The following CDHR3 variants were observed in gnomAD, a reference collection of about 807,000 sequenced individuals.
CDHR3 encodes the protein cadherin related family member 3, also known as cadherin-related family member 3.
In CDHR3, 79 loss-of-function variants were observed where a neutral mutation model predicts 86.6. The ratio of observed to expected loss-of-function variants is 0.91; its 90% confidence interval spans 0.76 to 1.10. The LOEUF (loss-of-function observed/expected upper bound fraction) is 1.10, where lower values mean the gene tolerates loss of function less well. Ranked by LOEUF, CDHR3 falls within the 50% of genes least tolerant of loss-of-function variation. CDHR3 has a pLI of 0.00. For synonymous variants in CDHR3, 421 were observed against 402.4 expected, an observed-to-expected ratio of 1.05 and a Z score of -0.55; for missense variants, 1,081 against 1,077.6, an observed-to-expected ratio of 1.00 and a Z score of -0.04.
At chr7:105,965,390 C>T (rs1399289488) in intron 1 of CDHR3, among the ~76,000 whole-genome samples, 1 of 152,192 alleles carries the variant, frequency 6.6e-6, no homozygotes, top group Non-Finnish European at 1.5e-5. Context: ...AGGAGAATCG[C>T]TTGAACCCAG....
chr7:105,996,077 G>A lies in CDHR3; in HGVS notation c.609-173G>A, dbSNP rs1000404972. Among the ~76,000 whole-genome samples, 7 of 152,088 alleles carry A rather than the reference G, an allele frequency of 4.6e-5. No individual in the cohort carries two copies. The East Asian group carries it at 1.3e-3, about 29-fold the overall frequency. ...AGAAGCAGCCAGCGGGTTTGGAGAC[G>A]GGGGGAGAAAGGTCACCCTGCAGGC... On this transcript the variant is annotated intron_variant, in intron 5 of 18. Transcript: ENST00000317716.
At chr7:105,984,412 T>A in intron 4 of CDHR3, 123 bp downstream of exon 4, 4 of 585,648 alleles carry the variant, frequency 6.8e-6, no homozygotes, top group Non-Finnish European at 1.2e-5. Flanking sequence ...TGCGTCCACT[T>A]CCAAACACAG....
At position 106,030,428 on chromosome 7, in the gene CDHR3, G is replaced by A. The variant is rs1380858335; in HGVS notation, c.2305-364G>A. Among the ~76,000 whole-genome samples, 2 of 152,214 alleles carry A rather than the reference G, an allele frequency of 1.3e-5. No individual in the cohort carries two copies. Among genetic ancestry groups the A allele is most frequent in the African/African-American group, 4.8e-5 (2 of 41,434 alleles). The stretch of plus-strand genomic sequence containing the variant: ...ACACAACGTAGGTCTTAGCCATGCT[G>A]TGTGGCATTTCCACTCTTCCTTCTA... On this transcript the variant is annotated intron_variant, in intron 17 of 18. Transcript: ENST00000317716. This position sits in a 1 kb window ranked among gnomAD's most constrained non-coding sequence, Gnocchi z 4.8.
At position 106,024,451 on chromosome 7, in the gene CDHR3, T is replaced by A; in HGVS notation, c.2147T>A (p.Ile716Asn). 1 of 1,614,038 alleles carries A rather than the reference T, an allele frequency of 6.2e-7. No individual in the cohort carries two copies. Among genetic ancestry groups the A allele is most frequent in the Non-Finnish European group, 8.5e-7 (1 of 1,179,902 alleles). ...TCTGCATGGTACGTGCCGTTTGTCA[T>A]CACTTTGGGCTCCATATTGCTTCTG... ...SPSAWYVPFVITLGSILLLGL... is the reference protein window; with the variant it reads ...SPSAWYVPFVNTLGSILLLGL... The change falls in exon 15 of 19, where the codon ATC becomes AAC. Residue 716 changes from isoleucine (I) to asparagine (N), a missense_variant. Coordinates refer to ENST00000317716, the MANE Select transcript of CDHR3 (RefSeq NM_152750.5).
At chr7:106,028,703 G>T (rs1837758713) in intron 17 of CDHR3, 121 bp downstream of exon 17, 3 of 1,042,924 alleles carry the variant, frequency 2.9e-6, no homozygotes, top group Non-Finnish European at 4.3e-6. Context: ...AGGTGCTTGT[G>T]TTTGGCTACT....
At position 106,020,355 on chromosome 7, in the gene CDHR3, A is replaced by G. The variant is rs994582734; in HGVS notation, c.1654-18A>G. The G allele has an allele frequency of 6.3e-7, 1 of 1,580,640 alleles. No homozygotes were observed. On this transcript the variant is annotated intron_variant, in intron 12 of 18. Coordinates refer to ENST00000317716, the MANE Select transcript of CDHR3 (RefSeq NM_152750.5). Reference sequence around the variant, plus strand: ...TGAGTTTTAGCTATTGAGAATGACCACCTTCTTGCTACTCTAGGTTACTGT... The same window carrying G: ...TGAGTTTTAGCTATTGAGAATGACCGCCTTCTTGCTACTCTAGGTTACTGT...
chr7:105,975,493 C>G lies in CDHR3; in HGVS notation c.249+447C>G, dbSNP rs149030139. Among the ~76,000 whole-genome samples the G allele has an allele frequency of 2.0e-4, 30 of 152,310 alleles. No individual in the cohort carries two copies. In the East Asian group the frequency reaches 3.9e-3, roughly 20 times the overall value. On this transcript the variant is annotated intron_variant, in intron 2 of 18. Transcript: ENST00000317716. The stretch of plus-strand genomic sequence containing the variant: ...AGAGGAGACTTATTTAATTAAAAAG[C>G]CATACACCCTTTAACAAAAATATAA...
Position 106,013,035 on chromosome 7 carries a change from A to G in CDHR3, c.1224+4A>G. On this transcript the variant is annotated splice_donor_region_variant and intron_variant, in intron 9 of 18. Coordinates refer to ENST00000317716, the MANE Select transcript of CDHR3 (RefSeq NM_152750.5). ...AGCTGGCTCTGGGAAGATTGTGGTC[A>G]GTTAATGGTCATTGCATCATTAAAA... 8 of 1,593,562 alleles carry G rather than the reference A, an allele frequency of 5.0e-6. No individual in the cohort carries two copies. The highest frequency in any genetic ancestry group is 6.8e-6 in the Non-Finnish European group (8 of 1,171,090).
intron 16 of CDHR3, among the ~76,000 whole-genome samples, chr7:106,027,871 T>G (rs1445297622): frequency 2.0e-5 from 3 of 152,174 alleles, no homozygotes; most frequent in Admixed American, 2.0e-4. Flanking sequence ...ACACTTATAA[T>G]CCCAGCACTC....
intron 18 of CDHR3, among the ~76,000 whole-genome samples, 174 bp from the exon 19 acceptor site, chr7:106,032,219 G>C (rs1289848206): frequency 6.6e-6 from 1 of 152,184 alleles, no homozygotes; most frequent in Non-Finnish European, 1.5e-5. Context: ...GGCAAGGGCA[G>C]GCTGGTGGAG....
chr7:105,971,096 G>A (rs143809806), intron 1 of CDHR3, among the ~76,000 whole-genome samples: 99 of 150,394 alleles, frequency 6.6e-4, no homozygotes, highest in African/African-American at 2.3e-3. Context: ...AGCCAAGATC[G>A]CGCCACTGCA....
chr7:105,985,078 T>G (rs80154825), intron 4 of CDHR3, among the ~76,000 whole-genome samples: 5 of 144,510 alleles, frequency 3.5e-5, no homozygotes, highest in African/African-American at 1.3e-4. Context: ...AAAAAAAAAT[T>G]AAGGAGTCCC....
rs1434913052 is a variant in CDHR3 at position 106,032,669 on chromosome 7, C to T, written c.2630C>T (p.Ala877Val). 6.2e-7 allele frequency: 1 copy of T among 1,613,048 alleles called. No homozygotes were observed. Among genetic ancestry groups the T allele is most frequent in the Non-Finnish European group, 8.5e-7 (1 of 1,179,394 alleles). ...AGAAATCCAGCCTTCATGAACAGGG[C>T]TTACCCCAAACCACACCCAGGAAAG... ...KNRNPAFMNRAYPKPHPGK is the reference protein window; with the variant it reads ...KNRNPAFMNRVYPKPHPGK The change falls in exon 19 of 19, where the codon GCT (alanine) becomes GTT (valine). Residue 877 changes from alanine to valine, a missense_variant. Coordinates refer to ENST00000317716, the MANE Select transcript of CDHR3 (RefSeq NM_152750.5).
intron 6 of CDHR3, among the ~76,000 whole-genome samples, chr7:105,999,151 TG>T: frequency 6.6e-6 from 1 of 152,364 alleles, no homozygotes; most frequent in South Asian, 2.1e-4. Context: ...TCAGGGTAGC[TG>T]CATGGCACCT....
At chr7:106,008,577 A>G (rs898596224) in intron 8 of CDHR3, among the ~76,000 whole-genome samples, 1 of 152,074 alleles carries the variant, frequency 6.6e-6, no homozygotes, top group African/African-American at 2.4e-5. Flanking sequence ...AATCTTAAGC[A>G]TGTAGTAGGT....
rs1035146607 is a variant in CDHR3, at chr7:106,034,050, A to T, written c.*1353A>T. Reference sequence around the variant, plus strand: ...TCAAAGCTGAAACACCATCAGCCTTACAACCTACCTGCCTTGCTCCTTCCC... The same window carrying T: ...TCAAAGCTGAAACACCATCAGCCTTTCAACCTACCTGCCTTGCTCCTTCCC... On this transcript the variant is annotated 3_prime_UTR_variant, in exon 19 of 19. Coordinates refer to ENST00000317716, the MANE Select transcript of CDHR3 (RefSeq NM_152750.5). Among the ~76,000 whole-genome samples the T allele has an allele frequency of 2.0e-5, 3 of 152,222 alleles. No individual in the cohort carries two copies. The highest frequency in any genetic ancestry group is 4.4e-5 in the Non-Finnish European group (3 of 68,034).
intron 3 of CDHR3, among the ~76,000 whole-genome samples, chr7:105,982,812 ATC>A (rs1229994214): frequency 6.6e-6 from 1 of 151,676 alleles, no homozygotes; most frequent in Non-Finnish European, 1.5e-5. Flanking sequence ...GCAAAACCCT[ATC>A]TCTACAAAAA....
chr7:106,004,646 C>T lies in CDHR3; in HGVS notation c.1011C>T (p.Asp337=), dbSNP rs7783527. 2.3e-3 allele frequency: 3,763 copies of T among 1,613,982 alleles called. 6 individuals are homozygous for T. The highest frequency in any genetic ancestry group is 2.9e-3 in the Non-Finnish European group (3,412 of 1,179,892). The stretch of plus-strand genomic sequence containing the variant: ...TCCAGATAACCTTCATTGTGGAAGA[C>T]GTCAACGACAATCCTGCCACATGCC... ...NRIQITFIVE[D]VNDNPATCQK... is the part of the protein sequence containing the mutation. Residue 337 remains aspartate, a synonymous_variant, in exon 8 of 19, where the codon GAC becomes GAT. Coordinates refer to ENST00000317716, the MANE Select transcript of CDHR3 (RefSeq NM_152750.5).
chr7:106,001,484 C>A lies in CDHR3; in HGVS notation c.736C>A (p.Leu246Met). The part of the protein sequence containing the change: ...FTSPTRVYTV[L>M]EELSPGTIVA... Reference sequence around the variant, plus strand: ...CAGCCCGACACGAGTGTACACAGTCCTGGAGGAACTGAGTCCAGGAACCAT... The same window carrying A: ...CAGCCCGACACGAGTGTACACAGTCATGGAGGAACTGAGTCCAGGAACCAT... Residue 246 changes from leucine to methionine, a missense_variant, in exon 7 of 19, where the codon CTG becomes ATG. Coordinates refer to ENST00000317716, the MANE Select transcript of CDHR3 (RefSeq NM_152750.5). 1 of 1,614,036 alleles carries A rather than the reference C, an allele frequency of 6.2e-7. No individual in the cohort carries two copies. The highest frequency in any genetic ancestry group is 8.5e-7 in the Non-Finnish European group (1 of 1,179,898).
Sources: gnomAD v4.1 joint callset for allele counts (sites outside exome capture counted in the v4.1 genomes callset) on GRCh38, gnomAD v4.1.1 for gene constraint, Gnocchi (gnomAD v3.1) non-coding constraint, MANE v1.5 for transcripts, NCBI Gene and HGNC (gene_info 2026-07-23, HGNC 2026-07-21) for gene names.